CSGALNACT1: variants seen among roughly 807,000 people sequenced by gnomAD.
CSGALNACT1 encodes beta4GalNAcT-1.
A neutral mutation model predicts 51.0 loss-of-function variants in CSGALNACT1; 52 were observed. The ratio of observed to expected loss-of-function variants is 1.02; its 90% CI spans 0.82 to 1.29. CSGALNACT1 has a LOEUF of 1.29. Among genes scored for constraint, CSGALNACT1 ranks in the 50% most tolerant of loss-of-function variants. The probability of loss-of-function intolerance (pLI) is 0.00; values close to 1 mark genes in which losing one functional copy is unlikely to be tolerated. For missense variants in CSGALNACT1, 935 were observed against 679.2 expected (o/e 1.38, Z -4.19); for synonymous variants, 341 against 254.4 (o/e 1.34, Z -3.24).
chr8:19,510,505 T>C (rs553811000), intron 3 of CSGALNACT1, among the ~76,000 whole-genome samples: 5 of 152,270 alleles, frequency 3.3e-5, no homozygotes, highest in African/African-American at 1.2e-4. Context: ...CAATGCACTG[T>C]ATAAAAAGTT....
chr8:19,487,582 C>A (rs151153560), intron 4 of CSGALNACT1, among the ~76,000 whole-genome samples: 1 of 152,152 alleles, frequency 6.6e-6, no homozygotes. Context: ...AGAAAAATGT[C>A]AGACTTTGAA....
chr8:19,455,261 A>G (rs1204272197), intron 5 of CSGALNACT1, among the ~76,000 whole-genome samples: 1 of 152,262 alleles, frequency 6.6e-6, no homozygotes, highest in Non-Finnish European at 1.5e-5. Flanking sequence ...CTGAATCTTT[A>G]AACAAAATAT....
chr8:19,630,580 G>C (rs1038871279), intron 1 of CSGALNACT1, among the ~76,000 whole-genome samples: 16 of 152,148 alleles, frequency 1.1e-4, no homozygotes, highest in African/African-American at 3.9e-4. Context: ...CACCATTACA[G>C]TATCAGGCAG....
intron 5 of CSGALNACT1, 23 bp from the exon 5 acceptor site, chr8:19,439,954 G>A: frequency 6.3e-7 from 1 of 1,586,568 alleles, no homozygotes; most frequent in Non-Finnish European, 8.7e-7. Context: ...ACACATGCAT[G>A]TCTGGCACCT....
intron 4 of CSGALNACT1, among the ~76,000 whole-genome samples, chr8:19,462,312 G>C (rs768432756): frequency 6.6e-6 from 1 of 151,796 alleles, no homozygotes; most frequent in Non-Finnish European, 1.5e-5. Context: ...ACAGTTTAAC[G>C]TACAGATAAA....
At chr8:19,635,841 C>A (rs1444716712) in intron 1 of CSGALNACT1, among the ~76,000 whole-genome samples, 1 of 152,160 alleles carries the variant, frequency 6.6e-6, no homozygotes, top group Non-Finnish European at 1.5e-5. Context: ...AATTCTCCTG[C>A]CTCGGCCTCC....
chr8:19,469,112 G>A (rs1348602623), intron 4 of CSGALNACT1, among the ~76,000 whole-genome samples: 3 of 152,180 alleles, frequency 2.0e-5, no homozygotes, highest in Non-Finnish European at 4.4e-5. Context: ...CCACTGCCCT[G>A]AGTGCGGTGG....
intron 3 of CSGALNACT1, among the ~76,000 whole-genome samples, chr8:19,584,786 G>A (rs1241146734): frequency 1.3e-5 from 2 of 152,132 alleles, no homozygotes; most frequent in Non-Finnish European, 2.9e-5. Flanking sequence ...CAGTTATAAG[G>A]CAGTTATAAA....
chr8:19,661,715 A>G (rs1190612354), intron 1 of CSGALNACT1, among the ~76,000 whole-genome samples: 1 of 152,180 alleles, frequency 6.6e-6, no homozygotes, highest in Non-Finnish European at 1.5e-5. Flanking sequence ...ATGGGAGGAT[A>G]TGGCCATTCC....
rs2057763520 is a variant in CSGALNACT1, at chr8:19,420,576, G to A, written c.954-58C>T. 5 of 1,546,808 alleles carry A rather than the reference G, an allele frequency of 3.2e-6. No homozygotes were observed. In the Admixed American group the frequency reaches 5.0e-5, roughly 15 times the overall value. On this transcript the variant is annotated intron_variant, in intron 6 of 9. Transcript: ENST00000454498. ...TTCCCACATGTTGGCAGCATCCCCT[G>A]AGAAAATATGTAATCAGGGCCCATC... is the stretch of plus-strand genomic sequence containing the variant.
chr8:19,594,876 CCTA>C (rs1201370580), intron 2 of CSGALNACT1, among the ~76,000 whole-genome samples: 1 of 152,064 alleles, frequency 6.6e-6, no homozygotes, highest in Admixed American at 6.5e-5. Context: ...AATCCATTTT[CCTA>C]CTGTCAGGAC....
chr8:19,549,751 G>C (rs745643820), intron 3 of CSGALNACT1, among the ~76,000 whole-genome samples: 3 of 138,434 alleles, frequency 2.2e-5, no homozygotes, highest in Admixed American at 1.6e-4. Context: ...TTGAGACCTT[G>C]CATTTCTGTC....
rs189550731 is a variant in CSGALNACT1, at chr8:19,418,997, C to G, written c.1133-247G>C. ...GAGTAGCTGAGATTACAGGTGCCCG[C>G]CACCACACCCGGCCAATTTTTTTAT... On this transcript the variant is annotated intron_variant, in intron 7 of 9. Transcript: ENST00000454498. Among the ~76,000 whole-genome samples, 40 of 152,204 alleles carry G rather than the reference C, an allele frequency of 2.6e-4. 1 individual carries two copies. In the East Asian group the frequency reaches 7.5e-3, roughly 29 times the overall value.
At chr8:19,409,887 C>T (rs1330384582) in intron 8 of CSGALNACT1, among the ~76,000 whole-genome samples, 4 of 151,978 alleles carry the variant, frequency 2.6e-5, no homozygotes, top group Non-Finnish European at 5.9e-5. Flanking sequence ...CCTTATAAAA[C>T]AAGGGGGTTA....
At chr8:19,532,188 T>C (rs1322228912) in intron 3 of CSGALNACT1, among the ~76,000 whole-genome samples, 1 of 151,854 alleles carries the variant, frequency 6.6e-6, no homozygotes, top group Admixed American at 6.6e-5. Context: ...AAAAAACATG[T>C]TTGTTTGCAC....
At chr8:19,451,857 G>A (rs1171748638) in intron 5 of CSGALNACT1, among the ~76,000 whole-genome samples, 1 of 152,128 alleles carries the variant, frequency 6.6e-6, no homozygotes, top group Non-Finnish European at 1.5e-5. Flanking sequence ...GGCCCATCTG[G>A]ACCAAGATTT....
At chr8:19,684,177 A>G (rs2060835211), upstream of CSGALNACT1, among the ~76,000 whole-genome samples, 2 of 151,568 alleles carry the variant, frequency 1.3e-5, no homozygotes, top group South Asian at 4.2e-4. Context: ...AAAAAAAAAT[A>G]CATAATAAAG....
rs556632824 is a variant in CSGALNACT1, at chr8:19,696,361, C to T, written c.-297+61489G>A. On this transcript the variant is annotated intron_variant, in intron 1 of 1. Transcript: ENST00000517494. Reference sequence around the variant, plus strand: ...ACTGAAAACAACCAACTCTTCGTTCCAGGGATATAAGCATGAATTAAAGGC... The same window carrying T: ...ACTGAAAACAACCAACTCTTCGTTCTAGGGATATAAGCATGAATTAAAGGC... Among the ~76,000 whole-genome samples, 14 of 152,232 alleles carry T rather than the reference C, an allele frequency of 9.2e-5. No individual in the cohort carries two copies. In the South Asian group the frequency reaches 2.7e-3, roughly 29 times the overall value.
chr8:19,614,388 T>C (rs2052709609), intron 1 of CSGALNACT1, among the ~76,000 whole-genome samples: 1 of 152,216 alleles, frequency 6.6e-6, no homozygotes, highest in Non-Finnish European at 1.5e-5. Flanking sequence ...CATAACACAA[T>C]GTTTAAACAT....
Sources: gnomAD v4.1 joint callset for allele counts (sites outside exome capture counted in the v4.1 genomes callset) on GRCh38, gnomAD v4.1.1 for gene constraint, MANE v1.5 for transcripts, NCBI Gene and HGNC (gene_info 2026-07-23, HGNC 2026-07-21) for gene names.